The following MACROD2 variants were observed in gnomAD, a reference collection of about 807,000 sequenced individuals.
MACROD2 encodes the protein ADP-ribose glycohydrolase MACROD2.
Under a neutral mutation model 70.4 loss-of-function variants are expected in MACROD2, and 36 were observed. The ratio of observed to expected loss-of-function variants is 0.51; its 90% CI spans 0.39 to 0.68. The LOEUF (loss-of-function observed/expected upper bound fraction) is 0.68, where lower values mean the gene tolerates loss of function less well. MACROD2 is among the 30% of genes least tolerant of loss of function. The pLI is 0.00. For missense variants in MACROD2, 496 were observed against 538.4 expected (o/e 0.92, Z 0.78); for synonymous variants, 172 against 178.8 (o/e 0.96, Z 0.30).
At chr20:14,658,336 G>C (rs1181576700) in intron 4 of MACROD2, among the ~76,000 whole-genome samples, 1 of 151,926 alleles carries the variant, frequency 6.6e-6, no homozygotes, top group Non-Finnish European at 1.5e-5. Context: ...CAGATATCTT[G>C]ATCTCAGAAA....
At chr20:14,988,574 T>C (rs957505254) in intron 5 of MACROD2, among the ~76,000 whole-genome samples, 4 of 152,164 alleles carry the variant, frequency 2.6e-5, no homozygotes, top group Non-Finnish European at 4.4e-5. Flanking sequence ...TTAAGTGACA[T>C]TGATGCTTCA....
intron 15 of MACROD2, among the ~76,000 whole-genome samples, chr20:16,030,109 A>G (rs1172820500): frequency 6.6e-6 from 1 of 152,182 alleles, no homozygotes; most frequent in Admixed American, 6.5e-5. Context: ...TTTCTCCTGG[A>G]AAGTTCTGAG....
chr20:14,611,373 C>CA (rs1307845738), intron 4 of MACROD2, among the ~76,000 whole-genome samples: 1 of 149,910 alleles, frequency 6.7e-6, no homozygotes, highest in Non-Finnish European at 1.5e-5. Context: ...GGTGAAAATT[C>CA]AAGTTTACTG....
At chr20:14,027,211 T>A (rs1268211828) in intron 2 of MACROD2, among the ~76,000 whole-genome samples, 1 of 152,142 alleles carries the variant, frequency 6.6e-6, no homozygotes, top group African/African-American at 2.4e-5. Context: ...ATTAAGTTGA[T>A]CTTCAATCTC....
chr20:15,622,306 A>C (rs993976441), intron 8 of MACROD2, among the ~76,000 whole-genome samples: 2 of 152,226 alleles, frequency 1.3e-5, no homozygotes, highest in Non-Finnish European at 2.9e-5. Context: ...AATGTGAGAT[A>C]TTTGTGAACT....
At chr20:14,194,519 C>G (rs1321027675) in intron 3 of MACROD2, among the ~76,000 whole-genome samples, 1 of 152,072 alleles carries the variant, frequency 6.6e-6, no homozygotes, top group Non-Finnish European at 1.5e-5. Context: ...GGCGAGGGGT[C>G]AAAAACAACC....
chr20:15,023,380 C>T (rs939290871), intron 5 of MACROD2, among the ~76,000 whole-genome samples: 1 of 152,156 alleles, frequency 6.6e-6, no homozygotes, highest in Non-Finnish European at 1.5e-5. Flanking sequence ...ACATATACTC[C>T]AGCCCTCACT....
chr20:15,462,224 T>C (rs2146416540), intron 7 of MACROD2, among the ~76,000 whole-genome samples: 1 of 152,280 alleles, frequency 6.6e-6, no homozygotes, highest in Admixed American at 6.5e-5. Context: ...AGGAAAATGA[T>C]TGGAGAGAAT....
At chr20:14,079,395 A>G (rs1214934298) in intron 2 of MACROD2, among the ~76,000 whole-genome samples, 1 of 152,272 alleles carries the variant, frequency 6.6e-6, no homozygotes, top group Non-Finnish European at 1.5e-5. Flanking sequence ...ATGGGGCCGA[A>G]TAAACTAATA....
intron 8 of MACROD2, among the ~76,000 whole-genome samples, chr20:15,597,759 C>T (rs6135455): frequency 0.41 from 61,877 of 152,114 alleles, 15,204 homozygotes; most frequent in Admixed American, 0.56. Flanking sequence ...ACCCAGAAGG[C>T]AGTAGAAACA....
intron 5 of MACROD2, among the ~76,000 whole-genome samples, chr20:15,093,926 C>T (rs1396802482): frequency 6.6e-6 from 1 of 152,164 alleles, no homozygotes; most frequent in African/African-American, 2.4e-5. Flanking sequence ...AGCTCAGTGC[C>T]TTGCCCTCTG....
chr20:14,821,260 C>A (rs1371185394), intron 5 of MACROD2, among the ~76,000 whole-genome samples: 1 of 152,046 alleles, frequency 6.6e-6, no homozygotes, highest in Non-Finnish European at 1.5e-5. Flanking sequence ...CTTAATCTGG[C>A]AGTCAGGAAT....
chr20:14,816,175 G>T (rs1349125508), intron 5 of MACROD2, among the ~76,000 whole-genome samples: 1 of 151,974 alleles, frequency 6.6e-6, no homozygotes, highest in Non-Finnish European at 1.5e-5. Flanking sequence ...TAAGATGGTA[G>T]GTTTGTTGCG....
intron 3 of MACROD2, among the ~76,000 whole-genome samples, chr20:14,425,302 C>G (rs1007605542): frequency 1.3e-5 from 2 of 152,154 alleles, no homozygotes; most frequent in African/African-American, 2.4e-5. Context: ...TCTTTCTCTC[C>G]TCTCTCCGCA....
At chr20:15,469,736 A>G (rs567578771) in intron 7 of MACROD2, among the ~76,000 whole-genome samples, 1 of 152,216 alleles carries the variant, frequency 6.6e-6, no homozygotes, top group Admixed American at 6.5e-5. Flanking sequence ...AACGCATCAG[A>G]AGGGATTAAG....
intron 3 of MACROD2, among the ~76,000 whole-genome samples, chr20:14,400,300 A>C (rs1356889832): frequency 6.6e-6 from 1 of 152,162 alleles, no homozygotes; most frequent in East Asian, 1.9e-4. Context: ...AATTTTCCCC[A>C]CTACTGGGTT....
intron 8 of MACROD2, among the ~76,000 whole-genome samples, chr20:15,833,607 G>A (rs2064081485): frequency 6.6e-6 from 1 of 152,000 alleles, no homozygotes; most frequent in Admixed American, 6.6e-5. Context: ...AACTAGGAAG[G>A]GAAAATAAGA....
intron 8 of MACROD2, among the ~76,000 whole-genome samples, chr20:15,504,656 C>T (rs1433535543): frequency 6.6e-6 from 1 of 152,090 alleles, no homozygotes; most frequent in Non-Finnish European, 1.5e-5. Context: ...TACCCACTGG[C>T]ATTTTCAGCT....
chr20:14,607,675 A>G (rs565716602), intron 4 of MACROD2, among the ~76,000 whole-genome samples: 2 of 152,272 alleles, frequency 1.3e-5, no homozygotes, highest in South Asian at 4.1e-4. Context: ...TTCAAATAAA[A>G]CAGATTTCCT....
Sources: gnomAD v4.1 joint callset for allele counts (sites outside exome capture counted in the v4.1 genomes callset) on GRCh38, gnomAD v4.1.1 for gene constraint, MANE v1.5 for transcripts, NCBI Gene and HGNC (gene_info 2026-07-23, HGNC 2026-07-21) for gene names.